Variants in SETX observed in about 807,000 individuals in gnomAD.
SETX encodes senataxin.
A neutral mutation model predicts 227.2 loss-of-function variants in SETX; 90 were observed. The observed-to-expected ratio is 0.40, with a 90% CI of 0.33 to 0.47. The LOEUF (loss-of-function observed/expected upper bound fraction) is 0.47. SETX is among the 20% of genes least tolerant of loss of function. SETX has a pLI of 0.91. For missense variants in SETX, 3,052 were observed against 3,181.5 expected (o/e 0.96, Z 0.98); for synonymous variants, 1,210 against 1,113.2 (o/e 1.09, Z -1.73).
At chr9:132,277,811 AAG>A (rs1368817835) in intron 21 of SETX, among the ~76,000 whole-genome samples, 106 of 108,638 alleles carry the variant, frequency 9.8e-4, no homozygotes, top group African/African-American at 6.3e-3. Flanking sequence ...AAAAAAAAAA[AAG>A]GACTGCTGAA....
intron 13 of SETX, among the ~76,000 whole-genome samples, chr9:132,297,659 A>G (rs1424877675): frequency 6.6e-6 from 1 of 152,200 alleles, no homozygotes; most frequent in Non-Finnish European, 1.5e-5. Flanking sequence ...CTAAATAGTT[A>G]GTTTCCTTTT....
chr9:132,301,037 T>C (rs1452413574), intron 11 of SETX, among the ~76,000 whole-genome samples: 1 of 151,062 alleles, frequency 6.6e-6, no homozygotes, highest in African/African-American at 2.4e-5. Flanking sequence ...TAGACAAAAC[T>C]ATAATATTGA....
Position 132,264,222 on chromosome 9 carries a change from C to T in SETX, c.*17G>A. On this transcript the variant is annotated 3_prime_UTR_variant, in exon 26 of 26. Transcript: ENST00000224140. Reference sequence around the variant, plus strand: ...TTACAATATGCTGTGGCTGCTGGCCCATGTCACTGGGCTTTCCTATAAAAG... The same window carrying T: ...TTACAATATGCTGTGGCTGCTGGCCTATGTCACTGGGCTTTCCTATAAAAG... 1 of 1,613,720 alleles carries T rather than the reference C, an allele frequency of 6.2e-7. No individual in the cohort carries two copies. The highest frequency in any genetic ancestry group is 8.5e-7 in the Non-Finnish European group (1 of 1,180,030).
intron 10 of SETX, among the ~76,000 whole-genome samples, chr9:132,315,577 T>C (rs1262696694): frequency 6.6e-6 from 1 of 152,214 alleles, no homozygotes; most frequent in Non-Finnish European, 1.5e-5. Context: ...TGTCTCCAAA[T>C]GACCATTCAG....
chr9:132,285,195 T>G (rs1163291175), intron 18 of SETX, among the ~76,000 whole-genome samples: 1 of 151,780 alleles, frequency 6.6e-6, no homozygotes, highest in East Asian at 1.9e-4. Context: ...TTTCATTAAC[T>G]GTTTATCTGA....
intron 5 of SETX, among the ~76,000 whole-genome samples, chr9:132,340,737 T>C (rs1325354222): frequency 6.6e-6 from 1 of 152,194 alleles, no homozygotes; most frequent in African/African-American, 2.4e-5. Context: ...TCACAAATAT[T>C]AGGGGTTATC....
intron 4 of SETX, among the ~76,000 whole-genome samples, chr9:132,343,796 T>C (rs1848131709): frequency 6.6e-6 from 1 of 152,248 alleles, no homozygotes; most frequent in South Asian, 2.1e-4. Context: ...CTTTTACGGA[T>C]AGATTATTCT....
chr9:132,310,972 T>TTTTTG (rs542704009), intron 11 of SETX, among the ~76,000 whole-genome samples: 2 of 152,122 alleles, frequency 1.3e-5, no homozygotes, highest in Non-Finnish European at 2.9e-5. Context: ...TTGTTTTTTG[T>TTTTTG]TTTTGTTTTG....
chr9:132,330,170 A>G lies in SETX; in HGVS notation c.1428T>C (p.His476=). Reference sequence around the variant, plus strand: ...ATTGCTGGGAACTTACCCACAGCAAATGCAAACATTTTTTATTTCTATGCA... The same window carrying G: ...ATTGCTGGGAACTTACCCACAGCAAGTGCAAACATTTTTTATTTCTATGCA... ...IELHRNKKCL[H]LLWVSSQQWV... Residue 476 remains histidine (H), a synonymous_variant, in exon 10 of 26, where the codon CAT becomes CAC. Coordinates refer to ENST00000224140, the MANE Select transcript of SETX (RefSeq NM_015046.7). 1 of 1,595,110 alleles carries G rather than the reference A, an allele frequency of 6.3e-7. No homozygotes were observed. Among genetic ancestry groups the G allele is most frequent in the Non-Finnish European group, 8.6e-7 (1 of 1,168,918 alleles).
At chr9:132,290,019 G>A (rs1209413153) in intron 15 of SETX, among the ~76,000 whole-genome samples, 2 of 152,066 alleles carry the variant, frequency 1.3e-5, no homozygotes, top group African/African-American at 4.8e-5. Context: ...GACGAGCCTG[G>A]CCAACATGGC....
chr9:132,331,293 GTA>G lies in SETX; in HGVS notation c.992_993del (p.Ile331ThrfsTer17). On this transcript the variant is annotated frameshift_variant, in exon 8 of 26. Transcript: ENST00000224140. LOFTEE classifies it high-confidence loss of function. ...TGAACTAACCTTACAGAGCTGTTCCGTATATGTCGGATCTCTCTATTGTAGCT... is the reference window on the plus strand; with the variant it reads ...TGAACTAACCTTACAGAGCTGTTCCGTATGTCGGATCTCTCTATTGTAGCT... Reference protein sequence around the residue: ...NASYNREIRHIRNSSVRTKLE... With the variant: ...NASYNREIRHXRNSSVRTKLE... 6.2e-7 allele frequency: 1 copy of G among 1,614,010 alleles called. No individual in the cohort carries two copies. Among genetic ancestry groups the G allele is most frequent in the Non-Finnish European group, 8.5e-7 (1 of 1,179,976 alleles).
intron 18 of SETX, among the ~76,000 whole-genome samples, chr9:132,285,342 G>A (rs762251265): frequency 3.0e-4 from 46 of 152,118 alleles, no homozygotes; most frequent in African/African-American, 6.0e-4. Context: ...TTAGATGGTG[G>A]TAAGAATTCA....
Position 132,311,816 on chromosome 9 carries a change from A to G in SETX, c.5315T>C (p.Phe1772Ser), listed in dbSNP as rs886063552. The change falls in exon 11 of 26, where the codon TTC becomes TCC. Residue 1772 changes from phenylalanine to serine, a missense_variant. Phe to Ser is a radical substitution (Grantham distance 155). Transcript: ENST00000224140. ...EWLNSPNRENFYQLQVRKFPA... is the reference protein window; with the variant it reads ...EWLNSPNRENSYQLQVRKFPA... Reference sequence around the variant, plus strand: ...AAATTTTCGTACTTGCAACTGATAGAAATTCTCTCTATTTGGAGAGTTGAG... The same window carrying G: ...AAATTTTCGTACTTGCAACTGATAGGAATTCTCTCTATTTGGAGAGTTGAG... 6.2e-7 allele frequency: 1 copy of G among 1,613,828 alleles called. No homozygotes were observed. The highest frequency in any genetic ancestry group is 1.1e-5 in the South Asian group (1 of 91,060).
intron 10 of SETX, among the ~76,000 whole-genome samples, chr9:132,319,442 T>C (rs474120): frequency 7.9e-5 from 12 of 152,036 alleles, no homozygotes; most frequent in African/African-American, 2.9e-4. Context: ...GAATGAAATA[T>C]CAACCTGCAG....
At chr9:132,293,097 A>G (rs1844439438) in intron 15 of SETX, among the ~76,000 whole-genome samples, 1 of 152,240 alleles carries the variant, frequency 6.6e-6, no homozygotes, top group South Asian at 2.1e-4. Flanking sequence ...CAAGACACCA[A>G]GGTGTCCTTA....
intron 10 of SETX, among the ~76,000 whole-genome samples, chr9:132,322,271 A>C (rs534868072): frequency 6.6e-6 from 1 of 152,282 alleles, no homozygotes; most frequent in African/African-American, 2.4e-5. Context: ...TGTACGTCTC[A>C]GTGGTTTTTA....
At position 132,327,139 on chromosome 9, in the gene SETX, A is replaced by G; in HGVS notation, c.4459T>C (p.Ser1487Pro). ...TTATCTTCCTCTGCATCACTGCTGG[A>G]GTCAGGCTCTCCTTCTTTCAAAGCT... ...MAALKEGEPDSSSDAEEDNLF... is the reference protein window; with the variant it reads ...MAALKEGEPDPSSDAEEDNLF... The change falls in exon 10 of 26, where the codon TCC becomes CCC. Residue 1487 changes from serine to proline, a missense_variant. Ser to Pro is a moderately conservative substitution (Grantham distance 74). Around this residue, in one of 10 missense-constraint regions of SETX, gnomAD observed 1,483 missense variants for 1,312.0 expected, o/e 1.13. Transcript: ENST00000224140. 3 of 1,614,182 alleles carry G rather than the reference A, an allele frequency of 1.9e-6. No individual in the cohort carries two copies. Among genetic ancestry groups the G allele is most frequent in the Non-Finnish European group, 2.5e-6 (3 of 1,180,038 alleles).
chr9:132,312,334 C>T (rs1471053968), intron 10 of SETX, among the ~76,000 whole-genome samples: 2 of 152,160 alleles, frequency 1.3e-5, no homozygotes, highest in Non-Finnish European at 2.9e-5. Flanking sequence ...ATACCCATCT[C>T]CCAGTCTGTC....
upstream of SETX, among the ~76,000 whole-genome samples, chr9:132,356,187 A>G (rs571097531): frequency 1.3e-5 from 2 of 151,780 alleles, no homozygotes; most frequent in African/African-American, 4.8e-5. Context: ...AGTAAAATCC[A>G]CTGGAAAGCC....
Sources: gnomAD v4.1 joint callset for allele counts (sites outside exome capture counted in the v4.1 genomes callset) on GRCh38, gnomAD v4.1.1 for gene constraint, gnomAD v4.1.1 regional missense constraint, MANE v1.5 for transcripts, NCBI Gene and HGNC (gene_info 2026-07-23, HGNC 2026-07-21) for gene names.